Variants in WDR25 observed in about 807,000 individuals in gnomAD.
WDR25 encodes WD repeat-containing protein 25.
Under a neutral mutation model 47.7 loss-of-function variants are expected in WDR25, and 35 were observed. The observed-to-expected ratio is 0.73, with a 90% CI of 0.56 to 0.97. The LOEUF (loss-of-function observed/expected upper bound fraction) is 0.97, where lower values mean the gene tolerates loss of function less well. Ranked by LOEUF, WDR25 falls within the 50% of genes least tolerant of loss-of-function variation. The pLI is 0.00. For synonymous variants in WDR25, 248 were observed against 278.9 expected, an observed-to-expected ratio of 0.89 and a Z score of 1.10; for missense variants, 634 against 704.7, an observed-to-expected ratio of 0.90 and a Z score of 1.14.
chr14:100,434,877 T>C (rs971037488), intron 2 of WDR25, among the ~76,000 whole-genome samples: 1 of 152,236 alleles, frequency 6.6e-6, no homozygotes, highest in African/African-American at 2.4e-5. Flanking sequence ...AGTAGAATAT[T>C]CTGAATCCTC....
intron 4 of WDR25, 87 bp downstream of exon 4, chr14:100,484,211 A>G (rs1900304734): frequency 2.1e-6 from 3 of 1,434,418 alleles, no homozygotes; most frequent in Non-Finnish European, 2.8e-6. Flanking sequence ...GCATCTATAT[A>G]TAGGACCCTT....
intron 2 of WDR25, among the ~76,000 whole-genome samples, chr14:100,390,204 G>A (rs984027551): frequency 4.0e-5 from 6 of 151,664 alleles, no homozygotes; most frequent in South Asian, 2.1e-4. Flanking sequence ...GTTTTTTATT[G>A]TATATTTACA....
intron 3 of WDR25, chr14:100,481,418 C>T: frequency 1.0e-6 from 1 of 999,882 alleles, no homozygotes; most frequent in South Asian, 1.4e-5. Context: ...CCCACCTCAT[C>T]CCATTTTTTA....
chr14:100,456,575 G>A (rs1002537056), intron 2 of WDR25, among the ~76,000 whole-genome samples: 1 of 152,130 alleles, frequency 6.6e-6, no homozygotes, highest in Non-Finnish European at 1.5e-5. Flanking sequence ...GATCCAAACT[G>A]GACTTCTAGA....
intron 2 of WDR25, among the ~76,000 whole-genome samples, chr14:100,410,058 A>C (rs1010934732): frequency 6.6e-6 from 1 of 152,172 alleles, no homozygotes; most frequent in Non-Finnish European, 1.5e-5. Flanking sequence ...ATTTCAGAAA[A>C]TAAGTGTTTT....
intron 4 of WDR25, among the ~76,000 whole-genome samples, chr14:100,519,774 TA>T (rs1676378624): frequency 7.1e-6 from 1 of 140,124 alleles, no homozygotes; most frequent in Admixed American, 7.5e-5. Flanking sequence ...ATAGTATATA[TA>T]TAGTATATAT....
chr14:100,422,496 C>A (rs1044305464), intron 2 of WDR25, among the ~76,000 whole-genome samples: 3 of 152,194 alleles, frequency 2.0e-5, no homozygotes, highest in Non-Finnish European at 4.4e-5. Flanking sequence ...ATGGGACGAG[C>A]CTCACAGAGT....
intron 1 of WDR25, among the ~76,000 whole-genome samples, chr14:100,380,258 G>A (rs771470177): frequency 1.4e-4 from 22 of 151,892 alleles, no homozygotes; most frequent in Non-Finnish European, 2.8e-4. Context: ...ATGTTGGCCA[G>A]GCTGGTCTCG....
chr14:100,380,627 G>T (rs1298344111), intron 1 of WDR25, among the ~76,000 whole-genome samples: 2 of 151,858 alleles, frequency 1.3e-5, no homozygotes, highest in Non-Finnish European at 2.9e-5. Flanking sequence ...CCGAGTAGCT[G>T]GGACTACAGG....
chr14:100,468,642 T>C lies in WDR25; in HGVS notation c.970+474T>C, dbSNP rs894938538. ...TGAAAAGGCACTTGGGTAGGATGGA[T>C]TCGTGCCGGGTAAATCCTGAGAGGG... is the stretch of plus-strand genomic sequence containing the variant. On this transcript the variant is annotated intron_variant, in intron 3 of 6. Coordinates refer to ENST00000402312, the MANE Select transcript of WDR25 (RefSeq NM_001161476.3). The surrounding 1 kb of genome is among the most constrained non-coding windows in gnomAD (Gnocchi z 4.5). Among the ~76,000 whole-genome samples the C allele has an allele frequency of 6.6e-6, 1 of 152,134 alleles. No individual in the cohort carries two copies. Among genetic ancestry groups the C allele is most frequent in the African/African-American group, 2.4e-5 (1 of 41,418 alleles).
intron 2 of WDR25, among the ~76,000 whole-genome samples, chr14:100,411,697 C>G (rs917280743): frequency 2.6e-5 from 4 of 152,120 alleles, no homozygotes; most frequent in Non-Finnish European, 5.9e-5. Flanking sequence ...CCACCACACC[C>G]AGCAAATTTT....
chr14:100,479,016 C>G (rs114788233), intron 3 of WDR25, among the ~76,000 whole-genome samples: 1,741 of 151,956 alleles, frequency 0.011, 32 homozygotes, highest in African/African-American at 0.039. Context: ...TGAATGTTCT[C>G]AGCAATAAGC....
chr14:100,453,938 A>G (rs1340984200), intron 2 of WDR25, among the ~76,000 whole-genome samples: 1 of 152,228 alleles, frequency 6.6e-6, no homozygotes, highest in South Asian at 2.1e-4. Flanking sequence ...CTGTATAATG[A>G]ATGTTCAGGT....
At chr14:100,383,869 G>A (rs1896960772) in intron 2 of WDR25, among the ~76,000 whole-genome samples, 6 of 152,222 alleles carry the variant, frequency 3.9e-5, no homozygotes, top group Admixed American at 3.9e-4. Context: ...ACCAGAAGAG[G>A]GCGCAGTGGG....
At position 100,449,889 on chromosome 14, in the gene WDR25, C is replaced by T. The variant is rs1242081478; in HGVS notation, c.823-18132C>T. On this transcript the variant is annotated intron_variant, in intron 2 of 6. Coordinates refer to ENST00000402312, the MANE Select transcript of WDR25 (RefSeq NM_001161476.3). This position sits in a 1 kb window ranked among gnomAD's most constrained non-coding sequence, Gnocchi z 4.2. ...CCTGCTGTTACGCCATGTGCCACGACACCCTGCCTTCTCCCCTGCTCCCCT... is the reference window on the plus strand; with the variant it reads ...CCTGCTGTTACGCCATGTGCCACGATACCCTGCCTTCTCCCCTGCTCCCCT... Among the ~76,000 whole-genome samples, 1 of 152,202 alleles carries T rather than the reference C, an allele frequency of 6.6e-6. No homozygotes were observed. The highest frequency in any genetic ancestry group is 6.5e-5 in the Admixed American group (1 of 15,290).
intron 4 of WDR25, among the ~76,000 whole-genome samples, chr14:100,514,551 G>GT (rs1034948696): frequency 6.6e-6 from 1 of 151,154 alleles, no homozygotes; most frequent in Non-Finnish European, 1.5e-5. Context: ...TGTGGGGTTT[G>GT]TTTTTTTAAA....
chr14:100,490,845 T>G (rs1304771438), intron 4 of WDR25, among the ~76,000 whole-genome samples: 1 of 152,246 alleles, frequency 6.6e-6, no homozygotes, highest in Non-Finnish European at 1.5e-5. Flanking sequence ...TAATGAGATT[T>G]TGATTACTCT....
intron 4 of WDR25, among the ~76,000 whole-genome samples, chr14:100,521,541 T>A (rs184685396): frequency 2.5e-4 from 38 of 152,368 alleles, no homozygotes; most frequent in Non-Finnish European, 5.0e-4. Context: ...GAATTTTTTT[T>A]CACTGAACAA....
rs1424502458 is a variant in WDR25, at chr14:100,488,936, G to A, written c.1101+4812G>A. ...CATCCCCGACAGGGCCTGGACCAGA[G>A]CAGGTGTTCAGGATAACCTGGAGTG... On this transcript the variant is annotated intron_variant, in intron 4 of 6. Transcript: ENST00000402312. The surrounding 1 kb of genome is among the most constrained non-coding windows in gnomAD (Gnocchi z 4.2). 6.6e-6 allele frequency among the ~76,000 whole-genome samples: 1 copy of A among 152,236 alleles called. No individual in the cohort carries two copies. Among genetic ancestry groups the A allele is most frequent in the Non-Finnish European group, 1.5e-5 (1 of 68,048 alleles).
Sources: allele counts gnomAD v4.1 joint callset (sites outside exome capture counted in the v4.1 genomes callset), GRCh38; gene constraint gnomAD v4.1.1; non-coding constraint Gnocchi (gnomAD v3.1); transcripts MANE v1.5; gene names NCBI Gene and HGNC (gene_info 2026-07-23, HGNC 2026-07-21).